The following RBMS3 variants were observed in gnomAD, a reference collection of about 807,000 sequenced individuals.
RBMS3 encodes RNA binding motif single stranded interacting protein 3.
A neutral mutation model predicts 66.8 loss-of-function variants in RBMS3; 27 were observed. The observed-to-expected ratio is 0.40, with a 90% CI of 0.30 to 0.56. RBMS3 has a LOEUF of 0.56. RBMS3 is among the 20% of genes least tolerant of loss of function. The pLI is 0.40. For synonymous variants in RBMS3, 188 were observed against 183.0 expected, an observed-to-expected ratio of 1.03 and a Z score of -0.22; for missense variants, 513 against 549.5, an observed-to-expected ratio of 0.93 and a Z score of 0.66.
chr3:29,439,758 C>A (rs1011306966), intron 2 of RBMS3, among the ~76,000 whole-genome samples: 2 of 152,056 alleles, frequency 1.3e-5, no homozygotes, highest in African/African-American at 4.8e-5. Flanking sequence ...TCCCTCCCCC[C>A]TTTTTCTTAC....
At chr3:29,981,171 A>G (rs1697961943) in intron 12 of RBMS3, among the ~76,000 whole-genome samples, 1 of 152,022 alleles carries the variant, frequency 6.6e-6, no homozygotes, top group Non-Finnish European at 1.5e-5. Flanking sequence ...TTGTATTCCT[A>G]GGTATTTTAT....
At chr3:29,599,370 TAA>T (rs1416545351) in intron 4 of RBMS3, among the ~76,000 whole-genome samples, 1 of 150,680 alleles carries the variant, frequency 6.6e-6, no homozygotes, top group East Asian at 1.9e-4. Context: ...TGTAAATATA[TAA>T]TCCTACTATG....
chr3:29,523,724 C>A (rs1193910755), intron 3 of RBMS3, among the ~76,000 whole-genome samples: 1 of 151,952 alleles, frequency 6.6e-6, no homozygotes, highest in Non-Finnish European at 1.5e-5. Flanking sequence ...TAGATGATCT[C>A]TTTTTTTCTT....
rs527668339 is a variant in RBMS3, at chr3:29,621,222, C to A, written c.399+34017C>A. Among the ~76,000 whole-genome samples, 321 of 151,248 alleles carry A rather than the reference C, an allele frequency of 2.1e-3. 2 individuals carry two copies. The highest frequency in any genetic ancestry group is 7.4e-3 in the African/African-American group (304 of 41,062). ...TTTGCTTTTATTGGGTGAAAGACAGCATAATAATTCTATGTATTTAAATGC... is the reference window on the plus strand; with the variant it reads ...TTTGCTTTTATTGGGTGAAAGACAGAATAATAATTCTATGTATTTAAATGC... On this transcript the variant is annotated intron_variant, in intron 4 of 14. Transcript: ENST00000383767.
At chr3:29,731,219 T>C (rs57287518) in intron 4 of RBMS3, among the ~76,000 whole-genome samples, 50,133 of 152,118 alleles carry the variant, frequency 0.33, 8,459 homozygotes, top group South Asian at 0.43. Flanking sequence ...CCAATTGAAC[T>C]TGAGGACATG....
intron 5 of RBMS3, among the ~76,000 whole-genome samples, chr3:29,741,323 T>C (rs916787931): frequency 2.6e-5 from 4 of 152,172 alleles, no homozygotes; most frequent in Admixed American, 1.3e-4. Flanking sequence ...TTTCAGGACA[T>C]TGACAACTGT....
intron 1 of RBMS3, among the ~76,000 whole-genome samples, chr3:29,397,422 A>T (rs1308895712): frequency 6.6e-6 from 1 of 152,164 alleles, no homozygotes; most frequent in Non-Finnish European, 1.5e-5. Flanking sequence ...TTCTTAATTT[A>T]TGATGGTCCG....
chr3:29,299,610 A>T (rs935844358), intron 1 of RBMS3, among the ~76,000 whole-genome samples: 1 of 152,012 alleles, frequency 6.6e-6, no homozygotes, highest in Non-Finnish European at 1.5e-5. Flanking sequence ...ACAAAGCAAT[A>T]GTAAAAATAA....
chr3:29,536,198 C>G (rs950556129), intron 3 of RBMS3, among the ~76,000 whole-genome samples: 1 of 152,122 alleles, frequency 6.6e-6, no homozygotes, highest in Non-Finnish European at 1.5e-5. Context: ...TCTTGGTAGA[C>G]AGGCATGCTC....
At chr3:29,578,951 G>GC (rs1213447293) in intron 3 of RBMS3, among the ~76,000 whole-genome samples, 1 of 145,224 alleles carries the variant, frequency 6.9e-6, no homozygotes, top group Non-Finnish European at 1.5e-5. Flanking sequence ...ACAGGCGCCC[G>GC]CCACCGCGCC....
At chr3:29,954,325 T>C (rs1251605276) in intron 12 of RBMS3, among the ~76,000 whole-genome samples, 1 of 151,908 alleles carries the variant, frequency 6.6e-6, no homozygotes, top group East Asian at 1.9e-4. Context: ...CACTCTTACC[T>C]GGCCCATTTA....
At chr3:29,702,443 G>T (rs1027276698) in intron 4 of RBMS3, among the ~76,000 whole-genome samples, 2 of 152,200 alleles carry the variant, frequency 1.3e-5, no homozygotes, top group Non-Finnish European at 2.9e-5. Context: ...GCCAGATAAG[G>T]GAATGAAAGG....
chr3:29,435,567 T>C (rs1160352066), intron 2 of RBMS3, among the ~76,000 whole-genome samples: 12 of 152,348 alleles, frequency 7.9e-5, no homozygotes, highest in East Asian at 1.9e-4. Context: ...CCAACACTTA[T>C]GTCATTAATT....
intron 6 of RBMS3, among the ~76,000 whole-genome samples, chr3:29,821,006 T>C (rs998487550): frequency 6.6e-6 from 1 of 152,170 alleles, no homozygotes; most frequent in Admixed American, 6.5e-5. Flanking sequence ...GAGATACTGA[T>C]TGCCTAGAAT....
chr3:29,471,726 T>C (rs2125799256), intron 2 of RBMS3, among the ~76,000 whole-genome samples: 1 of 151,112 alleles, frequency 6.6e-6, no homozygotes, highest in East Asian at 1.9e-4. Context: ...TAGTTTTTTT[T>C]TTTTTTTTTT....
At chr3:29,541,081 G>T (rs770130020) in intron 3 of RBMS3, among the ~76,000 whole-genome samples, 2 of 152,258 alleles carry the variant, frequency 1.3e-5, no homozygotes, top group African/African-American at 4.8e-5. Flanking sequence ...TGGCCTAACC[G>T]AATTTACCCT....
intron 11 of RBMS3, among the ~76,000 whole-genome samples, chr3:29,938,174 C>A (rs975328383): frequency 6.6e-6 from 1 of 151,804 alleles, no homozygotes; most frequent in African/African-American, 2.4e-5. Flanking sequence ...AGACACAGAA[C>A]AGACTCAGAA....
intron 6 of RBMS3, among the ~76,000 whole-genome samples, chr3:29,853,537 G>T (rs1292050184): frequency 6.6e-6 from 1 of 150,470 alleles, no homozygotes; most frequent in Non-Finnish European, 1.5e-5. Flanking sequence ...GAATGACTGG[G>T]TTTATATCCT....
At chr3:29,555,321 G>A (rs35887) in intron 3 of RBMS3, among the ~76,000 whole-genome samples, 84,185 of 151,916 alleles carry the variant, frequency 0.55, 24,274 homozygotes, top group African/African-American at 0.7. Context: ...GTGACATTTC[G>A]CAGAAGAGAT....
Sources: gnomAD v4.1 joint callset for allele counts (sites outside exome capture counted in the v4.1 genomes callset) on GRCh38, gnomAD v4.1.1 for gene constraint, MANE v1.5 for transcripts, NCBI Gene and HGNC (gene_info 2026-07-23, HGNC 2026-07-21) for gene names.